Variants in UBE4A observed in about 807,000 individuals in gnomAD.
UBE4A encodes the protein ubiquitin conjugation factor E4 A.
Under a neutral mutation model 117.9 loss-of-function variants are expected in UBE4A, and 48 were observed. The ratio of observed to expected loss-of-function variants is 0.41; its 90% CI spans 0.32 to 0.52. The LOEUF (loss-of-function observed/expected upper bound fraction) is 0.52, where lower values mean the gene tolerates loss of function less well. UBE4A is among the 20% of genes least tolerant of loss of function. The pLI, the probability that UBE4A is intolerant of heterozygous loss-of-function variation, is 0.33. For synonymous variants in UBE4A, 407 were observed against 450.0 expected (o/e 0.90, Z 1.21); for missense variants, 1,067 against 1,296.3 (o/e 0.82, Z 2.72).
At chr11:118,395,131 C>T (rs978742738) in intron 19 of UBE4A, among the ~76,000 whole-genome samples, 16 of 151,984 alleles carry the variant, frequency 1.1e-4, no homozygotes, top group African/African-American at 3.9e-4. Flanking sequence ...GAGTTTAAGA[C>T]CAGCCTGGTC....
intron 2 of UBE4A, among the ~76,000 whole-genome samples, chr11:118,367,981 C>T (rs574477078): frequency 6.6e-6 from 1 of 152,186 alleles, no homozygotes; most frequent in East Asian, 1.9e-4. Flanking sequence ...AAAGTAGCTA[C>T]ATAAACCACA....
In UBE4A at chr11:118,375,157, T is replaced by G. The variant is rs781956800; in HGVS notation, c.1378T>G (p.Phe460Val). The change falls in exon 9 of 20, where the codon TTT becomes GTT. Residue 460 changes from phenylalanine (F) to valine (V), a missense_variant. Phe to Val is a conservative substitution (Grantham distance 50, BLOSUM62 -1). Transcript: ENST00000252108. ...CKPRSSRLLT[F>V]NPTYCALKEL... ...ACCCAGATCCTCTCGGCTCCTCACC[T>G]TTAATCCCACATACTGTGCCCTCAA... The G allele has an allele frequency of 6.2e-7, 1 of 1,614,152 alleles. No homozygotes were observed. Among genetic ancestry groups the G allele is most frequent in the South Asian group, 1.1e-5 (1 of 91,088 alleles).
chr11:118,380,613 C>A (rs1289210460), intron 11 of UBE4A, among the ~76,000 whole-genome samples: 1 of 152,168 alleles, frequency 6.6e-6, no homozygotes, highest in East Asian at 1.9e-4. Context: ...AAAATAACAA[C>A]AACAACTGCA....
chr11:118,390,049 T>A, intron 17 of UBE4A, 144 bp downstream of exon 17: 1 of 992,174 alleles, frequency 1.0e-6, no homozygotes, highest in Non-Finnish European at 1.4e-6. Context: ...TCTTCTGTAG[T>A]TTTAAATAAG....
intron 1 of UBE4A, among the ~76,000 whole-genome samples, chr11:118,363,185 T>A (rs1948533738): frequency 6.6e-6 from 1 of 152,126 alleles, no homozygotes; most frequent in African/African-American, 2.4e-5. Context: ...ATTTCAATAC[T>A]AAATATGGTA....
intron 16 of UBE4A, 60 bp downstream of exon 16, chr11:118,386,672 G>A (rs1948761960): frequency 1.4e-6 from 2 of 1,465,422 alleles, no homozygotes; most frequent in Admixed American, 2.7e-5. Context: ...AGCTTCACTT[G>A]GGGGATCAGC....
At chr11:118,394,178 A>T (rs1948846751) in intron 19 of UBE4A, among the ~76,000 whole-genome samples, 1 of 151,940 alleles carries the variant, frequency 6.6e-6, no homozygotes. Flanking sequence ...TTTTTTTGAG[A>T]CAGGGTCTTG....
intron 1 of UBE4A, among the ~76,000 whole-genome samples, chr11:118,360,605 G>A (rs539992480): frequency 6.6e-6 from 1 of 152,212 alleles, no homozygotes; most frequent in Non-Finnish European, 1.5e-5. Context: ...GATAGAGCTT[G>A]ATTTTGACGA....
chr11:118,381,312 G>C, intron 11 of UBE4A, 79 bp from the exon 12 acceptor site: 1 of 1,536,908 alleles, frequency 6.5e-7, no homozygotes, highest in Admixed American at 1.8e-5. Flanking sequence ...ATTAAGTAGG[G>C]TGAAAGGAAT....
intron 19 of UBE4A, 102 bp from the exon 20 acceptor site, chr11:118,396,212 C>G: frequency 2.1e-6 from 3 of 1,448,050 alleles, no homozygotes; most frequent in Non-Finnish European, 2.8e-6. Context: ...ATAATGCACT[C>G]TGGCTTCATT....
intron 12 of UBE4A, among the ~76,000 whole-genome samples, chr11:118,381,775 C>G (rs1378253550): frequency 6.6e-6 from 1 of 152,186 alleles, no homozygotes; most frequent in Non-Finnish European, 1.5e-5. Context: ...CACTGCCAGT[C>G]CCTGGTTAAA....
At chr11:118,375,530 T>G (rs1311511648) in intron 9 of UBE4A, among the ~76,000 whole-genome samples, 9 of 152,056 alleles carry the variant, frequency 5.9e-5, no homozygotes, top group Non-Finnish European at 4.4e-5. Flanking sequence ...CAGCTAATTT[T>G]GTGTATTTTT....
rs371994123 is a variant in UBE4A at position 118,369,399 on chromosome 11, T to C, written c.296-24T>C. The C allele has an allele frequency of 3.2e-6, 5 of 1,559,106 alleles. No individual in the cohort carries two copies. The Admixed American group carries it at 8.4e-5, about 26-fold the overall frequency. The stretch of plus-strand genomic sequence containing the variant: ...TAAAACAGAAGCATTATCCTTAACC[T>C]ATCATATTAAAACCATTTCCCAGGT... On this transcript the variant is annotated intron_variant, in intron 3 of 19. Coordinates refer to ENST00000252108, the MANE Select transcript of UBE4A (RefSeq NM_001204077.2).
intron 11 of UBE4A, among the ~76,000 whole-genome samples, chr11:118,380,545 G>C (rs1329848109): frequency 6.6e-6 from 1 of 152,052 alleles, no homozygotes; most frequent in African/African-American, 2.4e-5. Context: ...TTGCACTACT[G>C]TACTCCAGCC....
At chr11:118,360,646 C>A (rs1224989686) in intron 1 of UBE4A, among the ~76,000 whole-genome samples, 1 of 152,206 alleles carries the variant, frequency 6.6e-6, no homozygotes. Context: ...CCAGATATTT[C>A]TGTTGAAAAA....
In UBE4A at chr11:118,363,445, A is replaced by C. The variant is rs191291390; in HGVS notation, c.-41-1595A>C. On this transcript the variant is annotated intron_variant, in intron 1 of 19. Coordinates refer to ENST00000252108, the MANE Select transcript of UBE4A (RefSeq NM_001204077.2). ...CTTTGAGCTGCACTGAGAGGAGACT[A>C]GACTGCCTAAGTCATTACAGCTAAT... is the stretch of plus-strand genomic sequence containing the variant. Among the ~76,000 whole-genome samples the C allele has an allele frequency of 3.2e-4, 49 of 152,290 alleles. No homozygotes were observed. The East Asian group carries it at 8.7e-3, about 27-fold the overall frequency.
chr11:118,384,524 C>T, intron 13 of UBE4A, 111 bp from the exon 14 acceptor site: 2 of 953,628 alleles, frequency 2.1e-6, no homozygotes, highest in Non-Finnish European at 3.2e-6. Context: ...TTGTTAGTAG[C>T]CTTAACACAC....
At position 118,397,087 on chromosome 11, in the gene UBE4A, C is replaced by A. The variant is rs963720132; in HGVS notation, c.*647C>A. On this transcript the variant is annotated 3_prime_UTR_variant, in exon 20 of 20. Transcript: ENST00000252108. ...ATAGCTCTTAATTTTGTTATACAGT[C>A]TTTTTAATGAGGATTGGTAGGGCAA... is the stretch of plus-strand genomic sequence containing the variant. The A allele has an allele frequency of 1.3e-5, 2 of 152,176 alleles. No individual in the cohort carries two copies. The highest frequency in any genetic ancestry group is 2.9e-5 in the Non-Finnish European group (2 of 68,108). 9.4% of individuals were successfully genotyped at this position (152,176 alleles called of 1,614,324 possible).
At position 118,395,397 on chromosome 11, in the gene UBE4A, G is replaced by A. The variant is rs75030259; in HGVS notation, c.3075-917G>A. On this transcript the variant is annotated intron_variant, in intron 19 of 19. Coordinates refer to ENST00000252108, the MANE Select transcript of UBE4A (RefSeq NM_001204077.2). ...GTATTAAGCATTCACTATATCGCTC[G>A]AAATGTGGCCCAACAAAAATTCATA... 9.6e-3 allele frequency among the ~76,000 whole-genome samples: 1,452 copies of A among 151,668 alleles called. 22 individuals are homozygous for A. Among genetic ancestry groups the A allele is most frequent in the African/African-American group, 0.033 (1,381 of 41,340 alleles).
Sources: gnomAD v4.1 joint callset for allele counts (sites outside exome capture counted in the v4.1 genomes callset) on GRCh38, gnomAD v4.1.1 for gene constraint, MANE v1.5 for transcripts, NCBI Gene and HGNC (gene_info 2026-07-23, HGNC 2026-07-21) for gene names.